GRM5: variants seen among roughly 807,000 people sequenced by gnomAD.
The protein encoded by GRM5 is metabotropic glutamate receptor 5.
A neutral mutation model predicts 83.1 loss-of-function variants in GRM5; 19 were observed. That is an observed-to-expected ratio of 0.23 (90% CI 0.16 to 0.34). The LOEUF (loss-of-function observed/expected upper bound fraction) is 0.34, where lower values mean the gene tolerates loss of function less well. GRM5 is among the 10% of genes least tolerant of loss of function. The probability of loss-of-function intolerance (pLI) is 1.00; values close to 1 mark genes in which losing one functional copy is unlikely to be tolerated. For synonymous variants in GRM5, 675 were observed against 633.6 expected (o/e 1.07, Z -0.98); for missense variants, 1,160 against 1,588.3 (o/e 0.73, Z 4.58).
chr11:88,977,275 C>T (rs542943264), intron 2 of GRM5, among the ~76,000 whole-genome samples: 5 of 151,876 alleles, frequency 3.3e-5, no homozygotes, highest in East Asian at 1.9e-4. Flanking sequence ...TGCAGTGGCA[C>T]GATCTCAGCT....
intron 4 of GRM5, among the ~76,000 whole-genome samples, chr11:88,615,772 C>G (rs1393554079): frequency 6.6e-6 from 1 of 151,512 alleles, no homozygotes; most frequent in East Asian, 1.9e-4. Flanking sequence ...ATACGTTAGT[C>G]TCAATATTAT....
intron 3 of GRM5, among the ~76,000 whole-genome samples, chr11:88,718,304 G>A (rs996671693): frequency 1.3e-5 from 2 of 151,838 alleles, no homozygotes; most frequent in African/African-American, 4.8e-5. Context: ...TCCTAACACA[G>A]TACTTACAAT....
At chr11:89,008,786 T>A (rs1446748207) in intron 2 of GRM5, among the ~76,000 whole-genome samples, 6 of 152,132 alleles carry the variant, frequency 3.9e-5, no homozygotes, top group Admixed American at 6.6e-5. Flanking sequence ...ACGATTACCA[T>A]CCATAAGTAA....
At chr11:88,681,955 A>G (rs900149147) in intron 3 of GRM5, among the ~76,000 whole-genome samples, 3 of 152,098 alleles carry the variant, frequency 2.0e-5, no homozygotes, top group Non-Finnish European at 4.4e-5. Context: ...CTACTCATTA[A>G]ATGATCCAAA....
intron 2 of GRM5, among the ~76,000 whole-genome samples, chr11:88,933,391 C>T (rs1937782105): frequency 1.3e-5 from 2 of 151,694 alleles, no homozygotes; most frequent in Admixed American, 1.3e-4. Context: ...AGCTGGGACT[C>T]TCCTGACTTA....
intron 8 of GRM5, among the ~76,000 whole-genome samples, chr11:88,553,867 C>A (rs1399826255): frequency 7.2e-5 from 11 of 152,102 alleles, no homozygotes; most frequent in Non-Finnish European, 2.9e-5. Context: ...TAAAACCTCA[C>A]AGGAGTTTTG....
intron 3 of GRM5, among the ~76,000 whole-genome samples, chr11:88,690,385 A>G (rs1459630921): frequency 6.6e-6 from 1 of 152,150 alleles, no homozygotes; most frequent in Non-Finnish European, 1.5e-5. Flanking sequence ...CATATTATAA[A>G]CCTTGAACAA....
intron 3 of GRM5, among the ~76,000 whole-genome samples, chr11:88,679,023 C>A (rs1384397558): frequency 6.6e-6 from 1 of 152,054 alleles, no homozygotes; most frequent in Non-Finnish European, 1.5e-5. Flanking sequence ...TAGTTTTCAT[C>A]CGAAGTTCAA....
chr11:89,028,635 AT>A (rs1183175099), intron 2 of GRM5, among the ~76,000 whole-genome samples: 1 of 152,134 alleles, frequency 6.6e-6, no homozygotes, highest in Non-Finnish European at 1.5e-5. Flanking sequence ...AAGTACTATA[AT>A]TTTTAGCCAT....
At position 88,938,913 on chromosome 11, in the gene GRM5, G is replaced by A. The variant is rs181405946; in HGVS notation, c.662-88758C>T. Among the ~76,000 whole-genome samples the A allele has an allele frequency of 8.7e-3, 1,325 of 151,744 alleles. 22 individuals carry two copies. The highest frequency in any genetic ancestry group is 0.03 in the African/African-American group (1,265 of 41,490). On this transcript the variant is annotated intron_variant, in intron 2 of 9. Coordinates refer to ENST00000305447, the MANE Select transcript of GRM5 (RefSeq NM_001143831.3). Reference sequence around the variant, plus strand: ...AAACTGTCTCCATTAACATGTTCCAGGATGGATTCTAGTCCATATTCTCTT... The same window carrying A: ...AAACTGTCTCCATTAACATGTTCCAAGATGGATTCTAGTCCATATTCTCTT...
chr11:89,062,806 T>C (rs1942020919), intron 1 of GRM5, among the ~76,000 whole-genome samples: 1 of 152,270 alleles, frequency 6.6e-6, no homozygotes, highest in Non-Finnish European at 1.5e-5. Flanking sequence ...GGCCACCGGC[T>C]AGCCTCCGCA....
At chr11:88,821,344 C>CAAAA (rs375051761) in intron 3 of GRM5, among the ~76,000 whole-genome samples, 2,277 of 68,048 alleles carry the variant, frequency 0.033, 37 homozygotes, top group East Asian at 0.067. Flanking sequence ...CTTGAGGGGC[C>CAAAA]AAAAAAAAAA....
intron 3 of GRM5, among the ~76,000 whole-genome samples, chr11:88,742,651 G>C (rs866567539): frequency 6.6e-6 from 1 of 152,122 alleles, no homozygotes; most frequent in African/African-American, 2.4e-5. Context: ...GTTACACAGA[G>C]AAAGTCCTTC....
chr11:88,957,119 A>G lies in GRM5; in HGVS notation c.661+90093T>C, dbSNP rs931077891. 5.9e-5 allele frequency among the ~76,000 whole-genome samples: 9 copies of G among 152,334 alleles called. 1 individual carries two copies. Among genetic ancestry groups the G allele is most frequent in the Admixed American group, 3.9e-4 (6 of 15,296 alleles). ...GGATGGGACCTCATTCTGTCAACGT[A>G]AGTTGGAGAAGCCTTCTCAGAGGAG... is the stretch of plus-strand genomic sequence containing the variant. On this transcript the variant is annotated intron_variant, in intron 2 of 9. Coordinates refer to ENST00000305447, the MANE Select transcript of GRM5 (RefSeq NM_001143831.3).
intron 2 of GRM5, chr11:88,984,786 G>C (rs751481470): frequency 2.2e-5 from 16 of 739,528 alleles, no homozygotes; most frequent in African/African-American, 5.1e-5. Context: ...GGGAAACAGA[G>C]AGACAGCACT....
chr11:88,963,559 G>A (rs1033403096), intron 2 of GRM5, among the ~76,000 whole-genome samples: 6 of 152,190 alleles, frequency 3.9e-5, no homozygotes, highest in African/African-American at 1.4e-4. Context: ...GGACCATGTA[G>A]ATAAAGCAAC....
At chr11:88,933,187 AT>A (rs57318577) in intron 2 of GRM5, among the ~76,000 whole-genome samples, 1,851 of 106,190 alleles carry the variant, frequency 0.017, 5 homozygotes, top group African/African-American at 0.061. Flanking sequence ...TATTTGGGGC[AT>A]TTTTTTTTTT....
chr11:88,717,405 A>G (rs1289048736), intron 3 of GRM5, among the ~76,000 whole-genome samples: 1 of 151,908 alleles, frequency 6.6e-6, no homozygotes, highest in African/African-American at 2.4e-5. Context: ...GGCTTTTGAA[A>G]TGCTTTCCAT....
intron 3 of GRM5, among the ~76,000 whole-genome samples, chr11:88,793,250 G>A (rs768679771): frequency 3.3e-5 from 5 of 152,036 alleles, no homozygotes; most frequent in Non-Finnish European, 7.4e-5. Flanking sequence ...ATAGGAACAA[G>A]AAAGCATATA....
Sources: gnomAD v4.1 joint callset for allele counts (sites outside exome capture counted in the v4.1 genomes callset) on GRCh38, gnomAD v4.1.1 for gene constraint, MANE v1.5 for transcripts, NCBI Gene and HGNC (gene_info 2026-07-23, HGNC 2026-07-21) for gene names.